TRPM7: variants seen among roughly 807,000 people sequenced by gnomAD.
TRPM7 encodes the protein LTRPC ion channel family member 7.
A neutral mutation model predicts 229.7 loss-of-function variants in TRPM7; 134 were observed. The observed-to-expected ratio is 0.58, with a 90% CI of 0.51 to 0.67. The LOEUF is 0.67. Among genes scored for constraint, TRPM7 ranks in the 30% least tolerant of loss-of-function variants. The probability of loss-of-function intolerance (pLI) is 0.00; values close to 1 mark genes in which losing one functional copy is unlikely to be tolerated. For missense variants in TRPM7, 1,901 were observed against 2,210.0 expected (o/e 0.86, Z 2.80); for synonymous variants, 699 against 715.2 (o/e 0.98, Z 0.36).
At chr15:50,639,709 G>A (rs1472066918) in intron 5 of TRPM7, among the ~76,000 whole-genome samples, 161 bp from the exon 6 acceptor site, 1 of 151,870 alleles carries the variant, frequency 6.6e-6, no homozygotes, top group Non-Finnish European at 1.5e-5. Context: ...TGGGACTACA[G>A]GTGCGTGCTA....
chr15:50,619,825 CTAT>C (rs781742753), intron 12 of TRPM7, 27 bp from the exon 13 acceptor site: 46 of 1,576,472 alleles, frequency 2.9e-5, no homozygotes, highest in Non-Finnish European at 3.5e-5. Flanking sequence ...TTACAGCAAA[CTAT>C]TATTTTTCTT....
chr15:50,595,644 T>C (rs973757619), intron 23 of TRPM7, among the ~76,000 whole-genome samples: 10 of 152,064 alleles, frequency 6.6e-5, no homozygotes, highest in Admixed American at 5.2e-4. Context: ...ATGGATCACA[T>C]GAGGCCAGGA....
chr15:50,663,049 AAAAC>A lies in TRPM7; in HGVS notation c.4-7_4-4del. The A allele has an allele frequency of 2.5e-6, 4 of 1,609,518 alleles. No individual in the cohort carries two copies. The highest frequency in any genetic ancestry group is 3.4e-6 in the Non-Finnish European group (4 of 1,176,330). ...CTTTCTATCCAGGATTTCTGGGACT[AAAAC>A]AAAATGTTTTAAAGAATTGTTTATA... On this transcript the variant is annotated splice_polypyrimidine_tract_variant and splice_region_variant and intron_variant, in intron 1 of 38. Transcript: ENST00000646667.
intron 1 of TRPM7, among the ~76,000 whole-genome samples, chr15:50,663,955 ACT>A (rs796653084): frequency 4.0e-5 from 6 of 150,190 alleles, no homozygotes; most frequent in Admixed American, 1.3e-4. Flanking sequence ...AGAGTGAGAG[ACT>A]CTGTCTCAAA....
chr15:50,677,325 C>T (rs1291172100), intron 1 of TRPM7, among the ~76,000 whole-genome samples: 2 of 152,092 alleles, frequency 1.3e-5, no homozygotes, highest in African/African-American at 2.4e-5. Context: ...AAGTTCTCAT[C>T]TCCAAATACC....
chr15:50,618,660 G>T (rs1156840618), intron 13 of TRPM7, among the ~76,000 whole-genome samples: 1 of 152,070 alleles, frequency 6.6e-6, no homozygotes, highest in Non-Finnish European at 1.5e-5. Context: ...TACAAGTATA[G>T]ATTTCTTACA....
At chr15:50,607,871 A>T (rs1222238604) in intron 19 of TRPM7, among the ~76,000 whole-genome samples, 1 of 145,776 alleles carries the variant, frequency 6.9e-6, no homozygotes, top group Non-Finnish European at 1.5e-5. Context: ...ACAGGGTGAA[A>T]CTCCATCTCT....
chr15:50,591,223 AC>A (rs1315244836), intron 26 of TRPM7, among the ~76,000 whole-genome samples: 1 of 152,068 alleles, frequency 6.6e-6, no homozygotes, highest in African/African-American at 2.4e-5. Flanking sequence ...TTAATAGTGC[AC>A]CCTTTCACTT....
chr15:50,586,097 A>C (rs1193020304), intron 28 of TRPM7, among the ~76,000 whole-genome samples: 10 of 152,254 alleles, frequency 6.6e-5, no homozygotes. Flanking sequence ...GATACAGATT[A>C]AAACATGATA....
chr15:50,628,945 C>T (rs1356388678), intron 10 of TRPM7, among the ~76,000 whole-genome samples: 1 of 152,132 alleles, frequency 6.6e-6, no homozygotes, highest in Non-Finnish European at 1.5e-5. Context: ...CAGTAGCTTG[C>T]TTTATGTACC....
chr15:50,620,019 A>T (rs141675384), intron 12 of TRPM7, among the ~76,000 whole-genome samples: 4 of 152,364 alleles, frequency 2.6e-5, no homozygotes, highest in African/African-American at 9.6e-5. Context: ...TTTGTTTCAC[A>T]AAAGTCATCA....
Position 50,604,884 on chromosome 15 carries a change from T to C in TRPM7, c.2970A>G (p.Val990=), listed in dbSNP as rs2059881375. The C allele has an allele frequency of 6.3e-7, 1 of 1,587,024 alleles. No individual in the cohort carries two copies. ...LAVNQQAGPY[V]MMIGKMVANM... The stretch of plus-strand genomic sequence containing the variant: ...AACTTACCATTTTTCCAATCATCAT[T>C]ACATAAGGTCCTGCCTGTTGATTTA... Residue 990 remains valine, a synonymous_variant, in exon 21 of 39, where the codon GTA becomes GTG. Transcript: ENST00000646667.
Position 50,575,039 on chromosome 15 carries a change from A to G in TRPM7, c.4832T>C (p.Ile1611Thr). 6.2e-7 allele frequency: 1 copy of G among 1,614,088 alleles called. No individual in the cohort carries two copies. The highest frequency in any genetic ancestry group is 8.5e-7 in the Non-Finnish European group (1 of 1,180,000). The change falls in exon 34 of 39, where the codon ATA (isoleucine) becomes ACA (threonine). Residue 1611 changes from isoleucine to threonine, a missense_variant. By Grantham distance (89) the Ile-to-Thr change is moderately conservative (BLOSUM62 -1). Transcript: ENST00000646667. ...CATCTCCTCTTTGCTTAAAAACTCT[A>G]TTTTGGCACAGAGGCCTAGTTGTGA... Reference protein sequence around the residue: ...SWSQLGLCAKIEFLSKEEMGG... With the variant: ...SWSQLGLCAKTEFLSKEEMGG...
chr15:50,636,084 A>T (rs534755491), intron 7 of TRPM7, among the ~76,000 whole-genome samples: 24 of 149,760 alleles, frequency 1.6e-4, no homozygotes, highest in African/African-American at 5.2e-4. Flanking sequence ...GCAACAACAG[A>T]TAAAATTAGT....
intron 1 of TRPM7, among the ~76,000 whole-genome samples, chr15:50,681,026 G>A (rs2062230289): frequency 1.3e-5 from 2 of 152,132 alleles, no homozygotes; most frequent in South Asian, 4.1e-4. Flanking sequence ...GCCAAGGCGG[G>A]CAGATCACGA....
intron 19 of TRPM7, among the ~76,000 whole-genome samples, chr15:50,608,589 A>G (rs2059982604): frequency 6.6e-6 from 1 of 152,236 alleles, no homozygotes; most frequent in Non-Finnish European, 1.5e-5. Context: ...ATTAGATCAG[A>G]TAACTGATAT....
intron 1 of TRPM7, among the ~76,000 whole-genome samples, chr15:50,670,999 C>A (rs2061976712): frequency 6.6e-6 from 1 of 152,116 alleles, no homozygotes; most frequent in Non-Finnish European, 1.5e-5. Flanking sequence ...GGCTACTATA[C>A]ATTGCGGAAT....
At chr15:50,638,122 G>C (rs1009568358) in intron 6 of TRPM7, among the ~76,000 whole-genome samples, 1 of 151,850 alleles carries the variant, frequency 6.6e-6, no homozygotes, top group Middle Eastern at 3.2e-3. Context: ...CACTTTGGGA[G>C]GCCGAGGCGG....
intron 3 of TRPM7, among the ~76,000 whole-genome samples, chr15:50,651,583 G>A (rs115275996): frequency 0.029 from 4,490 of 152,236 alleles, 245 homozygotes; most frequent in African/African-American, 0.1. Flanking sequence ...GATTGCTTAA[G>A]CCCAGGAATT....
Sources: allele counts gnomAD v4.1 joint callset (sites outside exome capture counted in the v4.1 genomes callset), GRCh38; gene constraint gnomAD v4.1.1; transcripts MANE v1.5; gene names NCBI Gene and HGNC (gene_info 2026-07-23, HGNC 2026-07-21).